Variants in DHX8 observed in about 807,000 individuals in gnomAD.
The protein encoded by DHX8 is ATP-dependent RNA helicase DHX8.
Under a neutral mutation model 140.7 loss-of-function variants are expected in DHX8, and 67 were observed. The observed-to-expected ratio is 0.48, with a 90% CI of 0.39 to 0.58. The LOEUF (loss-of-function observed/expected upper bound fraction) is 0.58. Ranked by LOEUF, DHX8 falls within the 20% of genes least tolerant of loss-of-function variation. DHX8 has a pLI of 0.00. For missense variants in DHX8, 887 were observed against 1,550.7 expected, an observed-to-expected ratio of 0.57 and a Z score of 7.19; for synonymous variants, 533 against 553.2, an observed-to-expected ratio of 0.96 and a Z score of 0.51.
chr17:43,505,331 T>G (rs1239106409), intron 12 of DHX8, among the ~76,000 whole-genome samples: 2 of 151,862 alleles, frequency 1.3e-5, no homozygotes, highest in African/African-American at 4.8e-5. Flanking sequence ...ATCGCTTGAA[T>G]CAGGGAGTCG....
At chr17:43,488,029 C>T (rs1968275034) in intron 1 of DHX8, among the ~76,000 whole-genome samples, 1 of 151,692 alleles carries the variant, frequency 6.6e-6, no homozygotes, top group African/African-American at 2.4e-5. Context: ...ACTGTAATCC[C>T]AGAACTTTGG....
chr17:43,510,823 A>G (rs893351856), intron 16 of DHX8, among the ~76,000 whole-genome samples: 30 of 152,160 alleles, frequency 2.0e-4, no homozygotes, highest in Admixed American at 2.0e-3. Flanking sequence ...ACTAACCTAT[A>G]TCTTCCATCT....
Position 43,520,771 on chromosome 17 carries a change from G to C in DHX8, c.2958G>C (p.Glu986Asp). Residue 986 changes from glutamate to aspartate, a missense_variant, in exon 20 of 23, where the codon GAG (glutamate) becomes GAC (aspartate). Physicochemically the swap from Glu to Asp is conservative, Grantham distance 45. Transcript: ENST00000262415. The part of the protein sequence containing the change: ...LGRRMAEFPL[E>D]PMLCKMLIMS... ...TCTAGATGGCAGAGTTCCCTCTGGA[G>C]CCAATGCTATGCAAAATGCTCATCA... The C allele has an allele frequency of 6.2e-7, 1 of 1,614,020 alleles. No homozygotes were observed.
chr17:43,492,071 C>G, intron 4 of DHX8, 112 bp from the exon 5 acceptor site: 1 of 726,246 alleles, frequency 1.4e-6, no homozygotes, highest in Non-Finnish European at 2.4e-6. Flanking sequence ...GAAATCTCTG[C>G]CCCTCTTCTA....
rs756196368 is a variant in DHX8 at position 43,533,297 on chromosome 17, G to A, written c.351-3115G>A. The A allele has an allele frequency of 1.9e-6, 3 of 1,613,836 alleles. No individual in the cohort carries two copies. The South Asian group carries it at 3.3e-5, about 18-fold the overall frequency. On this transcript the variant is annotated intron_variant, in intron 2 of 3. Coordinates refer to the DHX8 transcript ENST00000589898. Reference sequence around the variant, plus strand: ...AGGGCTGTAGGGGCGACTGTCCAAGGGCACCAGGGGCAGGGGACTTGATGG... The same window carrying A: ...AGGGCTGTAGGGGCGACTGTCCAAGAGCACCAGGGGCAGGGGACTTGATGG...
chr17:43,484,073 C>T lies in DHX8; in HGVS notation c.36C>T (p.Ile12=). The T allele has an allele frequency of 1.2e-6, 2 of 1,614,138 alleles. No homozygotes were observed. The highest frequency in any genetic ancestry group is 1.3e-5 in the African/African-American group (1 of 75,036). ...CTGTAGCCATGGCGGGAGCCTTAAT[C>T]GGGTCGGAGCCAGGCCCCGCGGAAG... is the stretch of plus-strand genomic sequence containing the variant. ...AVAVAMAGAL[I]GSEPGPAEEL... is the part of the protein sequence containing the mutation. Residue 12 remains isoleucine (I), a synonymous_variant, in exon 1 of 23, where the codon ATC becomes ATT. Coordinates refer to ENST00000262415, the MANE Select transcript of DHX8 (RefSeq NM_004941.3).
chr17:43,504,102 G>C (rs1407768787), intron 11 of DHX8, among the ~76,000 whole-genome samples: 1 of 151,824 alleles, frequency 6.6e-6, no homozygotes. Flanking sequence ...AATAAAAAAA[G>C]TGTAACATGG....
Position 43,489,546 on chromosome 17 carries a change from T to C in DHX8, c.234+12T>C. On this transcript the variant is annotated intron_variant, in intron 2 of 22. Coordinates refer to ENST00000262415, the MANE Select transcript of DHX8 (RefSeq NM_004941.3). ...GTGCAGAATTTACGGTATGTATATG[T>C]GGAGAAGATAATCTGTAGATATTAA... 6.6e-7 allele frequency: 1 copy of C among 1,510,252 alleles called. No homozygotes were observed. The highest frequency in any genetic ancestry group is 9.2e-7 in the Non-Finnish European group (1 of 1,092,354). The allele number at this position is 1,510,252 out of a possible 1,614,324, so 93.6% of individuals were successfully genotyped here.
intron 16 of DHX8, 40 bp downstream of exon 16, chr17:43,508,560 C>G (rs1169474550): frequency 1.4e-6 from 2 of 1,442,510 alleles, no homozygotes; most frequent in Admixed American, 1.8e-5. Context: ...TGCCCTGAAA[C>G]CATGTGTTGT....
intron 22 of DHX8, 39 bp downstream of exon 22, chr17:43,522,265 G>T (rs535164327): frequency 1.1e-4 from 166 of 1,574,628 alleles, no homozygotes; most frequent in Admixed American, 2.8e-4. Context: ...GCTTTTCTGG[G>T]CAGAGAAAAA....
rs150890736 is a variant in DHX8, at chr17:43,524,132, G to T, written c.*285G>T. On this transcript the variant is annotated 3_prime_UTR_variant, in exon 23 of 23. Transcript: ENST00000262415. ...ATCAACTTCAAGAAAGGGACAATTT[G>T]TGCAGCTCCAGGATGGGAAGGTGGA... The T allele has an allele frequency of 8.7e-6, 11 of 1,262,130 alleles. No individual in the cohort carries two copies. The African/African-American group carries it at 1.7e-4, about 19-fold the overall frequency. The allele number at this position is 1,262,130 out of a possible 1,614,324, so 78.2% of individuals were successfully genotyped here. A position where few individuals can be genotyped will look rare whatever the true frequency, so the allele number is the denominator to read the frequency against.
At chr17:43,533,303 A>G (rs749480725) in intron 2 of DHX8, 14 of 1,613,702 alleles carry the variant, frequency 8.7e-6, no homozygotes, top group Non-Finnish European at 1.1e-5. Context: ...CAAGGGCACC[A>G]GGGGCAGGGG....
Position 43,533,934 on chromosome 17 carries a change from C to T in DHX8, c.351-2478C>T, listed in dbSNP as rs368196782. 8.3e-6 allele frequency: 13 copies of T among 1,561,414 alleles called. No individual in the cohort carries two copies. The African/African-American group carries it at 1.4e-4, about 17-fold the overall frequency. On this transcript the variant is annotated intron_variant, in intron 2 of 3. Transcript: ENST00000589898. ...GCTGCAGGACAGGGCCGGGTCTGTGCGGGGACTCTGGGGCTCCTTCTTGAT... is the reference window on the plus strand; with the variant it reads ...GCTGCAGGACAGGGCCGGGTCTGTGTGGGGACTCTGGGGCTCCTTCTTGAT...
At position 43,486,677 on chromosome 17, in the gene DHX8, G is replaced by A. The variant is rs368299856; in HGVS notation, c.148+2492G>A. The stretch of plus-strand genomic sequence containing the variant: ...GGGTGGATCACGAGGTCAGGAGTTC[G>A]AGACCAGCCTGACCAACATGGTGAA... On this transcript the variant is annotated intron_variant, in intron 1 of 22. Transcript: ENST00000262415. 3.2e-3 allele frequency among the ~76,000 whole-genome samples: 488 copies of A among 152,054 alleles called. 4 individuals carry two copies. Among genetic ancestry groups the A allele is most frequent in the African/African-American group, 0.011 (457 of 41,462 alleles).
intron 3 of DHX8, among the ~76,000 whole-genome samples, chr17:43,538,198 T>G: frequency 1.3e-5 from 2 of 150,032 alleles, no homozygotes; most frequent in Middle Eastern, 3.5e-3. Flanking sequence ...TCCCAACTAT[T>G]CCGGAGGCTG....
chr17:43,511,029 A>T (rs1196691102), intron 16 of DHX8, among the ~76,000 whole-genome samples: 2 of 152,060 alleles, frequency 1.3e-5, no homozygotes, highest in African/African-American at 4.8e-5. Context: ...TTATCCATTT[A>T]TCAGTTGATG....
chr17:43,509,485 T>C (rs1969687237), intron 16 of DHX8, among the ~76,000 whole-genome samples: 2 of 130,000 alleles, frequency 1.5e-5, no homozygotes, highest in African/African-American at 3.0e-5. Context: ...CTCCCACTTA[T>C]TTTTTTTTTT....
At chr17:43,487,341 G>C (rs923998869) in intron 1 of DHX8, among the ~76,000 whole-genome samples, 1 of 152,226 alleles carries the variant, frequency 6.6e-6, no homozygotes, top group Admixed American at 6.5e-5. Flanking sequence ...TTGTATGGTA[G>C]TACTACTTTA....
rs1434428127 is a variant in DHX8, at chr17:43,513,924, GCTGGTC to G, written c.2643+423_2643+428del. Among the ~76,000 whole-genome samples the G allele has an allele frequency of 3.3e-5, 5 of 152,022 alleles. No individual in the cohort carries two copies. In the East Asian group the frequency reaches 9.7e-4, roughly 29 times the overall value. On this transcript the variant is annotated intron_variant, in intron 17 of 22. Transcript: ENST00000262415. The stretch of plus-strand genomic sequence containing the variant: ...GACGGGGTTTCATCATGTTGGTCAG[GCTGGTC>G]TTGAACTCGCAACCTCAGATGATCC...
Sources: allele counts gnomAD v4.1 joint callset (sites outside exome capture counted in the v4.1 genomes callset), GRCh38; gene constraint gnomAD v4.1.1; transcripts MANE v1.5; gene names NCBI Gene and HGNC (gene_info 2026-07-23, HGNC 2026-07-21).